POTEI: variants seen among roughly 807,000 people sequenced by gnomAD.
POTEI encodes POTE ankyrin domain family, member I.
In POTEI, 14 loss-of-function variants were observed where a neutral mutation model predicts 43.4. The observed-to-expected ratio is 0.32, with a 90% CI of 0.21 to 0.50. The LOEUF is 0.50. POTEI is among the 20% of genes least tolerant of loss of function. POTEI has a pLI of 0.98. For synonymous variants in POTEI, 95 were observed against 297.9 expected (o/e 0.32, Z 7.01); for missense variants, 235 against 795.4 (o/e 0.30, Z 8.47).
Position 130,463,655 on chromosome 2 carries a change from C to T in POTEI, c.2389G>A (p.Ala797Thr), listed in dbSNP as rs563175525. 13 of 1,607,634 alleles carry T rather than the reference C, an allele frequency of 8.1e-6. 1 individual carries two copies. Among genetic ancestry groups the T allele is most frequent in the South Asian group, 6.6e-5 (6 of 90,692 alleles). ...AGCAGGATGGGGTGCTCCTCAGGGG[C>T]CACACGCAGCTCGTTGTAGAAGGTG... ...HHTFYNELRV[A>T]PEEHPILLTE... Residue 797 changes from alanine (A) to threonine (T), a missense_variant, in exon 15 of 15, where the codon GCC (alanine) becomes ACC (threonine). Ala to Thr is a moderately conservative substitution (Grantham distance 58, BLOSUM62 0). Transcript: ENST00000451531.
At chr2:130,480,398 A>G (rs1386657135) in intron 10 of POTEI, among the ~76,000 whole-genome samples, 1 of 150,984 alleles carries the variant, frequency 6.6e-6, no homozygotes, top group Non-Finnish European at 1.5e-5. Context: ...TTTTGGTAAT[A>G]GCAAAAGTGA....
At chr2:130,483,823 C>G (rs549194269) in intron 9 of POTEI, among the ~76,000 whole-genome samples, 1 of 150,310 alleles carries the variant, frequency 6.7e-6, no homozygotes, top group South Asian at 2.1e-4. Context: ...CCTCGTGATC[C>G]GCCTGCCTCG....
chr2:130,497,942 T>C (rs1232661064), intron 5 of POTEI: 329 of 116,792 alleles, frequency 2.8e-3, no homozygotes, highest in Middle Eastern at 0.012. Context: ...CTGAGAATTC[T>C]CTTCAATGGC....
At chr2:130,493,552 A>T (rs2261405) in intron 6 of POTEI, among the ~76,000 whole-genome samples, 1 of 35,502 alleles carries the variant, frequency 2.8e-5, no homozygotes, top group African/African-American at 7.0e-5. Flanking sequence ...TTTGCTCTTC[A>T]GTATTCACCA....
At position 130,467,897 on chromosome 2, in the gene POTEI, A is replaced by G. The variant is rs1292985282; in HGVS notation, c.1779-2125T>C. ...TCTCTAATCATCAGGGAAATGTACA[A>G]TAAAACCACAGTGAGATATCACCTC... On this transcript the variant is annotated intron_variant, in intron 13 of 14. Coordinates refer to ENST00000451531, the MANE Select transcript of POTEI (RefSeq NM_001277406.2). Among the ~76,000 whole-genome samples, 8 of 139,994 alleles carry G rather than the reference A, an allele frequency of 5.7e-5. No homozygotes were observed. The East Asian group carries it at 1.1e-3, about 19-fold the overall frequency. The allele number at this position is 139,994 out of a possible 152,430, so 91.8% of individuals were successfully genotyped here.
chr2:130,508,918 G>A lies in POTEI; in HGVS notation c.318C>T (p.Phe106=), dbSNP rs927038230. 6.3e-7 allele frequency: 1 copy of A among 1,595,548 alleles called. No homozygotes were observed. Among genetic ancestry groups the A allele is most frequent in the African/African-American group, 1.4e-5 (1 of 71,548 alleles). Reference sequence around the variant, plus strand: ...TCTTGCCGCTCCCCCTGCAGCAGGGGAAGCAGTGGCAGCACCACTTGCCCA... The same window carrying A: ...TCTTGCCGCTCCCCCTGCAGCAGGGAAAGCAGTGGCAGCACCACTTGCCCA... ...SKMGKWCCHC[F]PCCRGSGKSN... is the part of the protein sequence containing the mutation. The change falls in exon 1 of 15, where the codon TTC becomes TTT. Residue 106 remains phenylalanine, a synonymous_variant. Coordinates refer to ENST00000451531, the MANE Select transcript of POTEI (RefSeq NM_001277406.2).
At position 130,483,561 on chromosome 2, in the gene POTEI, TACC is replaced by T. The variant is rs1683471252; in HGVS notation, c.1410-1491_1410-1489del. ...AAACGATTTTAAAAATGCAGACAAT[TACC>T]AGGCAAAACTGTTAGAAAGAACCAT... On this transcript the variant is annotated intron_variant, in intron 9 of 14. Coordinates refer to ENST00000451531, the MANE Select transcript of POTEI (RefSeq NM_001277406.2). 3.7e-5 allele frequency among the ~76,000 whole-genome samples: 4 copies of T among 109,544 alleles called. 1 individual carries two copies. The highest frequency in any genetic ancestry group is 1.5e-4 in the African/African-American group (4 of 26,170). 71.9% of individuals were successfully genotyped at this position (109,544 alleles called of 152,430 possible). A position where few individuals can be genotyped will look rare whatever the true frequency, so the allele number is the denominator to read the frequency against.
At position 130,461,326 on chromosome 2, in the gene POTEI, C is replaced by T. The variant is rs1682627856; in HGVS notation, c.*1490G>A. The T allele has an allele frequency of 6.6e-6, 1 of 152,036 alleles. No individual in the cohort carries two copies. Among genetic ancestry groups the T allele is most frequent in the Admixed American group, 6.6e-5 (1 of 15,260 alleles). The allele number at this position is 152,036 out of a possible 1,614,324, so 9.4% of individuals were successfully genotyped here. A position where few individuals can be genotyped will look rare whatever the true frequency, so the allele number is the denominator to read the frequency against. On this transcript the variant is annotated 3_prime_UTR_variant, in exon 15 of 15. Transcript: ENST00000451531. Reference sequence around the variant, plus strand: ...AGCAAAGATGACAATCTGGTCCTCCCCCTGGGAGCTCTGACTCAGGGAGGC... The same window carrying T: ...AGCAAAGATGACAATCTGGTCCTCCTCCTGGGAGCTCTGACTCAGGGAGGC...
chr2:130,508,912 G>T lies in POTEI; in HGVS notation c.324C>A (p.Cys108Ter). The change falls in exon 1 of 15, where the codon TGC becomes TGA. Residue 108 changes from cysteine (C) to a stop codon, truncating the protein, a stop_gained. Coordinates refer to ENST00000451531, the MANE Select transcript of POTEI (RefSeq NM_001277406.2). LOFTEE classifies it high-confidence loss of function. Reference sequence around the variant, plus strand: ...CGTTGCTCTTGCCGCTCCCCCTGCAGCAGGGGAAGCAGTGGCAGCACCACT... The same window carrying T: ...CGTTGCTCTTGCCGCTCCCCCTGCATCAGGGGAAGCAGTGGCAGCACCACT... ...MGKWCCHCFP[C>*]CRGSGKSNVG... 1 of 1,594,446 alleles carries T rather than the reference G, an allele frequency of 6.3e-7. No individual in the cohort carries two copies. The highest frequency in any genetic ancestry group is 8.5e-7 in the Non-Finnish European group (1 of 1,173,502).
In POTEI at chr2:130,460,779, C is replaced by CT. The variant is rs1682608986; in HGVS notation, c.*2036dup. The CT allele has an allele frequency of 2.8e-5, 4 of 142,002 alleles. No individual in the cohort carries two copies. Among genetic ancestry groups the CT allele is most frequent in the African/African-American group, 1.1e-4 (4 of 36,696 alleles). The allele number at this position is 142,002 out of a possible 1,614,324, so 8.8% of individuals were successfully genotyped here. ...ATAGGGCACTTAGGGTCTTTGCTCC[C>CT]TTGCATCTTCTGAGGGCAGCAAGGG... is the stretch of plus-strand genomic sequence containing the variant. On this transcript the variant is annotated 3_prime_UTR_variant, in exon 15 of 15. Coordinates refer to ENST00000451531, the MANE Select transcript of POTEI (RefSeq NM_001277406.2).
Position 130,462,477 on chromosome 2 carries a change from G to A in POTEI, c.*339C>T. The A allele has an allele frequency of 3.3e-6, 1 of 307,428 alleles. No individual in the cohort carries two copies. Among genetic ancestry groups the A allele is most frequent in the South Asian group, 3.9e-5 (1 of 25,572 alleles). The allele number at this position is 307,428 out of a possible 1,614,324, so 19.0% of individuals were successfully genotyped here. A position where few individuals can be genotyped will look rare whatever the true frequency, so the allele number is the denominator to read the frequency against. On this transcript the variant is annotated 3_prime_UTR_variant, in exon 15 of 15. Coordinates refer to ENST00000451531, the MANE Select transcript of POTEI (RefSeq NM_001277406.2). ...TCACCTCCCCTGTGTGAACTAGGGA[G>A]AGGACTGGGCCATTCTCCTTAGAGA...
At position 130,496,689 on chromosome 2, in the gene POTEI, T is replaced by C. The variant is rs4100790; in HGVS notation, c.1056-67A>G. On this transcript the variant is annotated intron_variant, in intron 5 of 14. Transcript: ENST00000451531. ...CTGATATAAAAAAACTTACCAAATG[T>C]AGAATTATTAAGAGTATTTCAAACA... The C allele has an allele frequency of 5.8e-4, 873 of 1,515,062 alleles. 10 individuals carry two copies. The East Asian group carries it at 0.016, about 28-fold the overall frequency. 93.9% of individuals were successfully genotyped at this position (1,515,062 alleles called of 1,614,324 possible).
intron 5 of POTEI, among the ~76,000 whole-genome samples, 189 bp from the exon 6 acceptor site, chr2:130,496,811 G>A (rs1417609045): frequency 1.7e-5 from 2 of 120,272 alleles, no homozygotes; most frequent in African/African-American, 5.6e-5. Context: ...CGAAAAAAAT[G>A]TAAGGTGAAA....
At chr2:130,496,746 C>T (rs878967979) in intron 5 of POTEI, 124 bp from the exon 6 acceptor site, 2 of 645,936 alleles carry the variant, frequency 3.1e-6, no homozygotes, top group South Asian at 3.9e-5. Flanking sequence ...ATAGTATTAT[C>T]CCATCCACTT....
intron 1 of POTEI, among the ~76,000 whole-genome samples, chr2:130,505,159 C>T (rs1281899104): frequency 1.3e-5 from 2 of 148,442 alleles, no homozygotes; most frequent in Non-Finnish European, 3.0e-5. Context: ...TAATTGAGAA[C>T]GTGCTGTATT....
chr2:130,478,634 G>C lies in POTEI; in HGVS notation c.1481-1933C>G, dbSNP rs1299719389. Among the ~76,000 whole-genome samples, 366 of 131,752 alleles carry C rather than the reference G, an allele frequency of 2.8e-3. 1 individual carries two copies. The highest frequency in any genetic ancestry group is 0.011 in the African/African-American group (331 of 31,198). The allele number at this position is 131,752 out of a possible 152,430, so 86.4% of individuals were successfully genotyped here. The stretch of plus-strand genomic sequence containing the variant: ...ACATGAAGCCAAGCAGGGCACTCTA[G>C]GACCGAATTTGCTGTGCTGCCTTCA... On this transcript the variant is annotated intron_variant, in intron 10 of 14. Transcript: ENST00000451531.
chr2:130,483,612 T>TTTTTTA (rs1683474841), intron 9 of POTEI, among the ~76,000 whole-genome samples: 1 of 100,272 alleles, frequency 1.0e-5, no homozygotes, highest in African/African-American at 4.1e-5. Flanking sequence ...TTTTTTTTTT[T>TTTTTTA]GAGACGGAGT....
chr2:130,492,881 A>T lies in POTEI; in HGVS notation c.1127-2141T>A, dbSNP rs376126301. Among the ~76,000 whole-genome samples, 3 of 151,500 alleles carry T rather than the reference A, an allele frequency of 2.0e-5. No homozygotes were observed. The East Asian group carries it at 5.9e-4, about 30-fold the overall frequency. On this transcript the variant is annotated intron_variant, in intron 6 of 14. Transcript: ENST00000451531. Reference sequence around the variant, plus strand: ...AAAGAAACCACATTGCGTTTGAGTCAGCAATCTTTAGATTTCTATCTAGTC... The same window carrying T: ...AAAGAAACCACATTGCGTTTGAGTCTGCAATCTTTAGATTTCTATCTAGTC...
In POTEI at chr2:130,483,824, G is replaced by A. The variant is rs567680280; in HGVS notation, c.1410-1751C>T. The stretch of plus-strand genomic sequence containing the variant: ...TCTCGATCTCCTGACCTCGTGATCC[G>A]CCTGCCTCGGCCTCCCAAAGTGCTG... On this transcript the variant is annotated intron_variant, in intron 9 of 14. Coordinates refer to ENST00000451531, the MANE Select transcript of POTEI (RefSeq NM_001277406.2). 1.4e-3 allele frequency among the ~76,000 whole-genome samples: 217 copies of A among 150,416 alleles called. 4 individuals carry two copies. Among genetic ancestry groups the A allele is most frequent in the African/African-American group, 5.2e-3 (211 of 40,312 alleles).
Sources: gnomAD v4.1 joint callset for allele counts (sites outside exome capture counted in the v4.1 genomes callset) on GRCh38, gnomAD v4.1.1 for gene constraint, MANE v1.5 for transcripts, NCBI Gene and HGNC (gene_info 2026-07-23, HGNC 2026-07-21) for gene names.